TENT5D: variants seen among roughly 807,000 people sequenced by gnomAD.
The protein encoded by TENT5D is cancer/testis antigen 112.
For missense variants in TENT5D, 191 were observed against 287.0 expected, an observed-to-expected ratio of 0.67 and a Z score of 2.42; for synonymous variants, 103 against 100.6, an observed-to-expected ratio of 1.02 and a Z score of -0.15.
chrX:80,435,897 A>G (rs1056111055), intron 1 of TENT5D, among the ~76,000 whole-genome samples: 1 of 112,362 alleles, frequency 8.9e-6, no homozygotes, highest in Non-Finnish European at 1.9e-5. Context: ...CTTAATTTCC[A>G]TTTTATTTCA....
At chrX:80,404,785 T>C (rs1931450136) in intron 3 of TENT5D, among the ~76,000 whole-genome samples, 1 of 112,190 alleles carries the variant, frequency 8.9e-6, no homozygotes, top group Admixed American at 9.5e-5. Flanking sequence ...CAAAGCCCTG[T>C]AACTCAATGG....
intron 3 of TENT5D, among the ~76,000 whole-genome samples, chrX:80,379,034 A>G (rs1474368173): frequency 9.4e-6 from 1 of 106,563 alleles, no homozygotes; most frequent in Non-Finnish European, 1.9e-5. Flanking sequence ...ATTTTGAGAT[A>G]CGTTCCATCA....
intron 2 of TENT5D, among the ~76,000 whole-genome samples, chrX:80,340,519 G>T (rs902643879): frequency 1.8e-5 from 2 of 111,550 alleles, no homozygotes; most frequent in Non-Finnish European, 3.8e-5. Flanking sequence ...TTGGAACAGA[G>T]TGTAGCATGC....
chrX:80,409,501 T>C (rs750992237), intron 3 of TENT5D, among the ~76,000 whole-genome samples: 143 of 110,786 alleles, frequency 1.3e-3, no homozygotes, highest in Non-Finnish European at 2.5e-3. Context: ...TCACAATTGC[T>C]TCAAAGAGAA....
intron 1 of TENT5D, among the ~76,000 whole-genome samples, chrX:80,426,226 T>G (rs1434640790): frequency 9.0e-6 from 1 of 111,305 alleles, no homozygotes; most frequent in African/African-American, 3.3e-5. Flanking sequence ...TTAAATATGT[T>G]ATTGGTTTAA....
intron 1 of TENT5D, among the ~76,000 whole-genome samples, chrX:80,431,238 A>C (rs969784873): frequency 1.8e-5 from 2 of 111,309 alleles, no homozygotes; most frequent in African/African-American, 6.5e-5. Context: ...GGCTATTGAA[A>C]GTGGAGTTTT....
At chrX:80,342,069 A>G (rs1295937958) in intron 2 of TENT5D, among the ~76,000 whole-genome samples, 2 of 111,597 alleles carry the variant, frequency 1.8e-5, no homozygotes, top group African/African-American at 3.3e-5. Flanking sequence ...TAGAGAAAAA[A>G]TACATATCAT....
intron 3 of TENT5D, among the ~76,000 whole-genome samples, chrX:80,383,324 A>G (rs1013595375): frequency 2.7e-5 from 3 of 111,565 alleles, no homozygotes; most frequent in African/African-American, 3.3e-5. Context: ...GAGCATATCT[A>G]TCTTTCAGCC....
chrX:80,355,999 G>T (rs951414914), intron 3 of TENT5D, among the ~76,000 whole-genome samples: 3 of 112,272 alleles, frequency 2.7e-5, no homozygotes, highest in Non-Finnish European at 5.6e-5. Context: ...CCTGGTGAGT[G>T]CCAAAGCCAA....
At chrX:80,363,076 A>G (rs1415836923) in intron 3 of TENT5D, among the ~76,000 whole-genome samples, 1 of 111,663 alleles carries the variant, frequency 9.0e-6, no homozygotes, top group Non-Finnish European at 1.9e-5. Context: ...TGTAATTATA[A>G]TGAGGAATTT....
chrX:80,363,311 T>TA (rs1383078950), intron 3 of TENT5D, among the ~76,000 whole-genome samples: 1 of 111,657 alleles, frequency 9.0e-6, no homozygotes, highest in Non-Finnish European at 1.9e-5. Flanking sequence ...ACATTGAATA[T>TA]AAAAACCAAA....
At chrX:80,357,149 T>C (rs1410718581) in intron 3 of TENT5D, among the ~76,000 whole-genome samples, 1 of 112,311 alleles carries the variant, frequency 8.9e-6, no homozygotes, top group African/African-American at 3.2e-5. Context: ...ATTTTCTTAA[T>C]CCAGTCTATC....
intron 3 of TENT5D, among the ~76,000 whole-genome samples, chrX:80,352,720 CAAAAA>C (rs1189877322): frequency 5.0e-5 from 1 of 19,916 alleles, no homozygotes; most frequent in Admixed American, 6.0e-4. Context: ...AGCAAACAAA[CAAAAA>C]AAAAAAAAAA....
chrX:80,396,934 G>A (rs113300189), intron 3 of TENT5D, among the ~76,000 whole-genome samples: 27 of 48,500 alleles, frequency 5.6e-4, no homozygotes, highest in Middle Eastern at 0.016. Flanking sequence ...CAGACGGGGC[G>A]GCTGGCCGGG....
chrX:80,441,493 G>A (rs752361292), intron 2 of TENT5D, among the ~76,000 whole-genome samples: 1 of 110,854 alleles, frequency 9.0e-6, no homozygotes, highest in Non-Finnish European at 1.9e-5. Context: ...CAAATCTTAG[G>A]CTTCATATTG....
intron 2 of TENT5D, among the ~76,000 whole-genome samples, chrX:80,340,962 A>G (rs1309337061): frequency 1.8e-5 from 2 of 112,568 alleles, no homozygotes; most frequent in South Asian, 7.3e-4. Context: ...CAGCAAGAGC[A>G]AAACACCCAC....
intron 3 of TENT5D, among the ~76,000 whole-genome samples, chrX:80,414,374 TCCCTTCATGG>T (rs200962108): frequency 0.013 from 1,434 of 111,553 alleles, 27 homozygotes; most frequent in African/African-American, 0.044. Context: ...CCACTCAGAA[TCCCTTCATGG>T]CCACCAAAAT....
chrX:80,424,703 T>G (rs1387093275), intron 1 of TENT5D, among the ~76,000 whole-genome samples: 2 of 112,790 alleles, frequency 1.8e-5, no homozygotes, highest in East Asian at 5.5e-4. Context: ...CAAATTATGA[T>G]AAGATTGTGT....
chrX:80,343,904 G>A (rs1930010095), intron 3 of TENT5D, among the ~76,000 whole-genome samples: 1 of 111,002 alleles, frequency 9.0e-6, no homozygotes, highest in African/African-American at 3.3e-5. Context: ...ACCTGGTAGA[G>A]TGAACATAGT....
Sources: allele counts gnomAD v4.1 joint callset (sites outside exome capture counted in the v4.1 genomes callset), GRCh38; gene constraint gnomAD v4.1.1; transcripts MANE v1.5; gene names NCBI Gene and HGNC (gene_info 2026-07-23, HGNC 2026-07-21).